The following GRIP1 variants were observed in gnomAD, a reference collection of about 807,000 sequenced individuals.
The protein encoded by GRIP1 is glutamate receptor interacting protein 1, also known as glutamate receptor-interacting protein 1.
A neutral mutation model predicts 129.9 loss-of-function variants in GRIP1; 45 were observed. That is an observed-to-expected ratio of 0.35 (90% CI 0.27 to 0.44). GRIP1 has a LOEUF of 0.44. Among genes scored for constraint, GRIP1 ranks in the 20% least tolerant of loss-of-function variants. The probability of loss-of-function intolerance (pLI) is 1.00; values close to 1 mark genes in which losing one functional copy is unlikely to be tolerated. For synonymous variants in GRIP1, 530 were observed against 520.8 expected, an observed-to-expected ratio of 1.02 and a Z score of -0.24; for missense variants, 1,196 against 1,396.8, an observed-to-expected ratio of 0.86 and a Z score of 2.29.
At chr12:66,532,756 C>T (rs536276406) in intron 4 of GRIP1, among the ~76,000 whole-genome samples, 2 of 151,904 alleles carry the variant, frequency 1.3e-5, no homozygotes, top group Admixed American at 6.5e-5. Context: ...CTCTTTCTCC[C>T]TCTCTCCTCC....
At chr12:66,867,835 G>A (rs956318725) in intron 1 of GRIP1, among the ~76,000 whole-genome samples, 2 of 152,052 alleles carry the variant, frequency 1.3e-5, no homozygotes, top group Non-Finnish European at 2.9e-5. Context: ...CATATACGAC[G>A]GGTACTCAGT....
At chr12:67,049,694 G>A (rs1024095018) in intron 1 of GRIP1, among the ~76,000 whole-genome samples, 15 of 146,652 alleles carry the variant, frequency 1.0e-4, no homozygotes, top group African/African-American at 3.8e-4. Flanking sequence ...AAACCTGCAT[G>A]TTCTCCACAT....
intron 1 of GRIP1, among the ~76,000 whole-genome samples, chr12:66,759,858 A>AT (rs60298525): frequency 0.013 from 1,895 of 144,668 alleles, 16 homozygotes; most frequent in Middle Eastern, 0.021. Context: ...TACTATCAAC[A>AT]TTTTTTTTTT....
chr12:66,535,962 A>ACTG (rs2061593280), intron 4 of GRIP1, among the ~76,000 whole-genome samples: 1 of 152,160 alleles, frequency 6.6e-6, no homozygotes, highest in Admixed American at 6.5e-5. Context: ...CAAGCCATGA[A>ACTG]CTGCTGATCT....
At chr12:66,533,873 A>T (rs1592503994) in intron 4 of GRIP1, among the ~76,000 whole-genome samples, 1 of 138,594 alleles carries the variant, frequency 7.2e-6, no homozygotes, top group Admixed American at 7.2e-5. Context: ...TCACACACAC[A>T]CACACATACA....
chr12:66,908,703 G>T (rs914308639), intron 1 of GRIP1, among the ~76,000 whole-genome samples: 1 of 152,212 alleles, frequency 6.6e-6, no homozygotes, highest in Non-Finnish European at 1.5e-5. Context: ...GGGAAAAAAT[G>T]ATATGGAACT....
In GRIP1 at chr12:66,466,667, T is replaced by C. The variant is rs189958070; in HGVS notation, c.725-1245A>G. Among the ~76,000 whole-genome samples the C allele has an allele frequency of 3.1e-4, 47 of 152,360 alleles. 1 individual carries two copies. In the East Asian group the frequency reaches 6.0e-3, roughly 19 times the overall value. On this transcript the variant is annotated intron_variant, in intron 7 of 24. Transcript: ENST00000359742. ...ATGGTATCTTTTCCACAGTGTTTAT[T>C]AAAACCAAACCAATGAACAAAGCAC...
At chr12:66,767,710 G>C (rs1036937871) in intron 1 of GRIP1, among the ~76,000 whole-genome samples, 1 of 152,122 alleles carries the variant, frequency 6.6e-6, no homozygotes, top group Non-Finnish European at 1.5e-5. Context: ...CAGAAGACAA[G>C]CAAATAATTT....
chr12:66,497,120 A>G (rs1001522366), intron 7 of GRIP1, among the ~76,000 whole-genome samples: 27 of 152,166 alleles, frequency 1.8e-4, no homozygotes, highest in Admixed American at 6.5e-5. Context: ...CACACTATGC[A>G]TGTAGTGGCA....
At chr12:66,419,174 C>T (rs983721704) in intron 15 of GRIP1, among the ~76,000 whole-genome samples, 5 of 152,034 alleles carry the variant, frequency 3.3e-5, no homozygotes, top group Non-Finnish European at 5.9e-5. Flanking sequence ...TCATTATGTT[C>T]AATGAAATAA....
At chr12:66,951,377 TAGC>T (rs2041754344) in intron 1 of GRIP1, among the ~76,000 whole-genome samples, 1 of 152,026 alleles carries the variant, frequency 6.6e-6, no homozygotes. Context: ...GCAGAGCAAA[TAGC>T]AGCACAAAGG....
chr12:66,657,235 AGAT>A (rs948054030), intron 1 of GRIP1, among the ~76,000 whole-genome samples: 66 of 152,292 alleles, frequency 4.3e-4, no homozygotes, highest in African/African-American at 1.6e-3. Flanking sequence ...CCTGAAAGGA[AGAT>A]GATGATGAGA....
At chr12:66,531,235 CA>C (rs1168836647) in intron 4 of GRIP1, among the ~76,000 whole-genome samples, 406 of 16,404 alleles carry the variant, frequency 0.025, 2 homozygotes, top group African/African-American at 0.048. Context: ...GACTCTGTCT[CA>C]AAAAAAAAAA....
At chr12:66,745,769 T>C (rs1045179396) in intron 1 of GRIP1, among the ~76,000 whole-genome samples, 2 of 152,120 alleles carry the variant, frequency 1.3e-5, no homozygotes, top group Non-Finnish European at 2.9e-5. Flanking sequence ...TAGTACAGCG[T>C]ACTAAAAAAG....
At chr12:66,493,876 G>A (rs896616154) in intron 7 of GRIP1, among the ~76,000 whole-genome samples, 1 of 152,080 alleles carries the variant, frequency 6.6e-6, no homozygotes, top group Non-Finnish European at 1.5e-5. Context: ...TCCTTTTCCT[G>A]GGCTGCTTAT....
intron 1 of GRIP1, among the ~76,000 whole-genome samples, chr12:66,792,937 C>T (rs1036071283): frequency 2.6e-5 from 4 of 152,078 alleles, no homozygotes; most frequent in African/African-American, 9.7e-5. Context: ...AATAATTTTA[C>T]TCTCTTTGAG....
At chr12:66,525,890 GACAA>G (rs1441692570) in intron 5 of GRIP1, among the ~76,000 whole-genome samples, 43 of 151,920 alleles carry the variant, frequency 2.8e-4, no homozygotes, top group African/African-American at 9.4e-4. Flanking sequence ...ACCAATAACA[GACAA>G]ACAGAGAGCC....
intron 1 of GRIP1, among the ~76,000 whole-genome samples, chr12:67,001,957 G>A (rs2042557191): frequency 6.6e-6 from 1 of 151,908 alleles, no homozygotes; most frequent in Non-Finnish European, 1.5e-5. Context: ...CCCAGAAGAA[G>A]AAGAGTATGT....
exon 1 of GRIP1, chr12:66,804,055 C>T (rs1353176817): frequency 4.4e-6 from 2 of 452,534 alleles, no homozygotes; most frequent in African/African-American, 2.0e-5. Flanking sequence ...GCGCTTACTT[C>T]GAAAATGCTC....
Sources: allele counts gnomAD v4.1 joint callset (sites outside exome capture counted in the v4.1 genomes callset), GRCh38; gene constraint gnomAD v4.1.1; transcripts MANE v1.5; gene names NCBI Gene and HGNC (gene_info 2026-07-23, HGNC 2026-07-21).